TAF4: variants seen among roughly 807,000 people sequenced by gnomAD.
The protein encoded by TAF4 is transcription initiation factor TFIID subunit 4.
A neutral mutation model predicts 90.3 loss-of-function variants in TAF4; 9 were observed. That is an observed-to-expected ratio of 0.10 (90% CI 0.06 to 0.17). The LOEUF is 0.17. Among genes scored for constraint, TAF4 ranks in the 10% least tolerant of loss-of-function variants. The pLI, the probability that TAF4 is intolerant of heterozygous loss-of-function variation, is 1.00. For synonymous variants in TAF4, 818 were observed against 638.9 expected, an observed-to-expected ratio of 1.28 and a Z score of -4.23; for missense variants, 1,351 against 1,370.7, an observed-to-expected ratio of 0.99 and a Z score of 0.23.
intron 1 of TAF4, among the ~76,000 whole-genome samples, chr20:62,053,002 G>C (rs913652416): frequency 1.3e-5 from 2 of 152,082 alleles, no homozygotes; most frequent in Admixed American, 1.3e-4. Context: ...CAGGTCTCCA[G>C]GGCTGGAACC....
intron 1 of TAF4, among the ~76,000 whole-genome samples, chr20:62,028,182 T>C (rs1440999530): frequency 6.6e-6 from 1 of 152,076 alleles, no homozygotes; most frequent in African/African-American, 2.4e-5. Context: ...CCGGTCAGAG[T>C]GACCAACAGG....
chr20:61,997,449 G>A (rs2055670002), intron 14 of TAF4, 101 bp downstream of exon 14: 1 of 1,312,812 alleles, frequency 7.6e-7, no homozygotes, highest in Admixed American at 3.0e-5. Flanking sequence ...TAAATGGTAA[G>A]AAAGCAAATT....
At chr20:62,049,557 C>T (rs1365141883) in intron 1 of TAF4, among the ~76,000 whole-genome samples, 1 of 151,326 alleles carries the variant, frequency 6.6e-6, no homozygotes, top group African/African-American at 2.4e-5. Context: ...CTCTCCACAT[C>T]GTCCTGGGTC....
intron 3 of TAF4, 94 bp downstream of exon 3, chr20:62,012,721 A>T: frequency 7.4e-7 from 1 of 1,354,842 alleles, no homozygotes. Flanking sequence ...CAGTTTAAAA[A>T]AAAAAAAAAA....
intron 11 of TAF4, 87 bp downstream of exon 11, chr20:62,000,037 T>C: frequency 6.3e-6 from 10 of 1,586,884 alleles, no homozygotes; most frequent in Non-Finnish European, 8.6e-6. Flanking sequence ...CACCGCCCTC[T>C]GCCTCGGTGT....
chr20:62,040,887 A>G (rs973970391), intron 1 of TAF4, among the ~76,000 whole-genome samples: 4 of 152,286 alleles, frequency 2.6e-5, no homozygotes, highest in African/African-American at 9.6e-5. Context: ...AGGCTTGAAC[A>G]CAAATGTTCA....
intron 4 of TAF4, 84 bp downstream of exon 4, chr20:62,009,962 C>T (rs776697866): frequency 2.0e-5 from 31 of 1,588,890 alleles, no homozygotes; most frequent in African/African-American, 1.1e-4. Context: ...GGACAGAAGC[C>T]GGCCTGAGGT....
chr20:62,015,516 T>C (rs2055807430), intron 1 of TAF4, among the ~76,000 whole-genome samples: 1 of 152,202 alleles, frequency 6.6e-6, no homozygotes, highest in Non-Finnish European at 1.5e-5. Flanking sequence ...CACTGCACTC[T>C]TTCCCGAGTG....
At chr20:62,013,047 G>A in intron 2 of TAF4, 113 bp from the exon 3 acceptor site, 2 of 1,437,024 alleles carry the variant, frequency 1.4e-6, no homozygotes, top group Non-Finnish European at 1.8e-6. Context: ...GTGGGTCCCA[G>A]GCTTATCCGT....
At chr20:61,986,257 C>A (rs1210678893) in intron 14 of TAF4, among the ~76,000 whole-genome samples, 1 of 140,784 alleles carries the variant, frequency 7.1e-6, no homozygotes, top group Non-Finnish European at 1.5e-5. Flanking sequence ...AAAGGAAACA[C>A]CATCCCCAAC....
chr20:61,976,465 G>A, intron 14 of TAF4, 130 bp from the exon 15 acceptor site: 2 of 1,067,666 alleles, frequency 1.9e-6, no homozygotes, highest in South Asian at 2.9e-5. Flanking sequence ...CTTCCGGTAG[G>A]CCCACAGCTG....
chr20:62,000,046 G>A, intron 11 of TAF4, 78 bp downstream of exon 11: 1 of 1,603,118 alleles, frequency 6.2e-7, no homozygotes, highest in Non-Finnish European at 8.5e-7. Flanking sequence ...CTGCCTCGGT[G>A]TGGGGAGGAG....
intron 1 of TAF4, among the ~76,000 whole-genome samples, chr20:62,033,914 C>CGTGGCAG (rs1307722183): frequency 2.6e-5 from 4 of 151,096 alleles, no homozygotes; most frequent in African/African-American, 9.7e-5. Context: ...TGGTGGCAGG[C>CGTGGCAG]GCCTGTAGTC....
intron 6 of TAF4, 22 bp downstream of exon 6, chr20:62,007,525 G>A: frequency 6.2e-7 from 1 of 1,611,680 alleles, no homozygotes; most frequent in Non-Finnish European, 8.5e-7. Flanking sequence ...CTGCTCGCAG[G>A]CACCGGGGCC....
At chr20:62,038,941 T>C (rs2055948704) in intron 1 of TAF4, among the ~76,000 whole-genome samples, 1 of 152,100 alleles carries the variant, frequency 6.6e-6, no homozygotes, top group South Asian at 2.1e-4. Flanking sequence ...TAATCCCAGC[T>C]ACTCGGGAGG....
intron 2 of TAF4, 119 bp from the exon 3 acceptor site, chr20:62,013,053 T>TC: frequency 7.1e-7 from 1 of 1,398,758 alleles, no homozygotes; most frequent in Non-Finnish European, 9.5e-7. Context: ...CCCAGGCTTA[T>TC]CCGTGATCTG....
chr20:61,993,301 C>T (rs188774898), intron 14 of TAF4, among the ~76,000 whole-genome samples: 3 of 152,288 alleles, frequency 2.0e-5, no homozygotes, highest in Non-Finnish European at 4.4e-5. Flanking sequence ...AGCGTCCTGC[C>T]GCAGGGAGGC....
chr20:62,065,822 G>C lies in TAF4; in HGVS notation c.-12C>G, dbSNP rs1357038316. 9.5e-6 allele frequency: 12 copies of C among 1,266,898 alleles called. No individual in the cohort carries two copies. In the East Asian group the frequency reaches 1.7e-4, roughly 18 times the overall value. 78.5% of individuals were successfully genotyped at this position (1,266,898 alleles called of 1,614,324 possible). A position where few individuals can be genotyped will look rare whatever the true frequency, so the allele number is the denominator to read the frequency against. On this transcript the variant is annotated 5_prime_UTR_variant, in exon 1 of 15. Transcript: ENST00000252996. ...GAGCCCGCCGCCATCTTTTTTCCTC[G>C]GCCGCCGCCGCCGCCGCCGCTCGGG... is the stretch of plus-strand genomic sequence containing the variant.
chr20:61,997,073 G>C (rs2055667855), intron 14 of TAF4, among the ~76,000 whole-genome samples: 1 of 152,092 alleles, frequency 6.6e-6, no homozygotes, highest in Non-Finnish European at 1.5e-5. Flanking sequence ...AACATGTCAA[G>C]GCTGGGTTTA....
Sources: gnomAD v4.1 joint callset for allele counts (sites outside exome capture counted in the v4.1 genomes callset) on GRCh38, gnomAD v4.1.1 for gene constraint, MANE v1.5 for transcripts, NCBI Gene and HGNC (gene_info 2026-07-23, HGNC 2026-07-21) for gene names.